The following ARHGAP26 variants were observed in gnomAD, a reference collection of about 807,000 sequenced individuals.
The protein encoded by ARHGAP26 is Rho GTPase activating protein 26.
ARHGAP26 carries 38 observed loss-of-function variants against 104.8 expected under a neutral mutation model. The ratio of observed to expected loss-of-function variants is 0.36; its 90% CI spans 0.28 to 0.48. The LOEUF is 0.48. Ranked by LOEUF, ARHGAP26 falls within the 20% of genes least tolerant of loss-of-function variation. The pLI is 0.99. For synonymous variants in ARHGAP26, 341 were observed against 340.0 expected, an observed-to-expected ratio of 1.00 and a Z score of -0.03; for missense variants, 704 against 947.9, an observed-to-expected ratio of 0.74 and a Z score of 3.38.
intron 11 of ARHGAP26, among the ~76,000 whole-genome samples, chr5:142,940,892 C>T (rs10068940): frequency 0.099 from 15,037 of 151,492 alleles, 1,885 homozygotes; most frequent in African/African-American, 0.29. Context: ...CTGGCTAACA[C>T]GGTGAAACCT....
intron 1 of ARHGAP26, among the ~76,000 whole-genome samples, chr5:142,821,300 GTTTTTTTTTTT>G (rs71576157): frequency 1.9e-5 from 2 of 106,354 alleles, no homozygotes; most frequent in Non-Finnish European, 1.8e-5. Flanking sequence ...AGGTAGAGTG[GTTTTTTTTTTT>G]TTTTTTTTTT....
chr5:143,143,678 A>G (rs912252759), intron 19 of ARHGAP26, among the ~76,000 whole-genome samples: 1 of 152,164 alleles, frequency 6.6e-6, no homozygotes, highest in African/African-American at 2.4e-5. Context: ...TTTAATATTT[A>G]TCTTATAACC....
intron 9 of ARHGAP26, among the ~76,000 whole-genome samples, chr5:142,911,364 A>G (rs565323620): frequency 6.6e-6 from 1 of 152,060 alleles, no homozygotes; most frequent in Non-Finnish European, 1.5e-5. Context: ...CTCCAAGCCT[A>G]TGTGGACCCT....
chr5:143,189,187 C>G (rs1465790179), intron 20 of ARHGAP26, among the ~76,000 whole-genome samples: 1 of 152,164 alleles, frequency 6.6e-6, no homozygotes, highest in Non-Finnish European at 1.5e-5. Context: ...AAAATAGGAC[C>G]CTTTCCATTA....
At chr5:142,908,090 G>A (rs901093412) in intron 9 of ARHGAP26, among the ~76,000 whole-genome samples, 1 of 152,026 alleles carries the variant, frequency 6.6e-6, no homozygotes, top group African/African-American at 2.4e-5. Context: ...ATTTTTATAT[G>A]CTGAAAATTA....
chr5:142,772,954 C>G, intron 1 of ARHGAP26: 1 of 527,158 alleles, frequency 1.9e-6, no homozygotes, highest in South Asian at 1.4e-5. Flanking sequence ...GTTATTTAAG[C>G]TGTCTAATGG....
At chr5:143,200,076 A>G (rs1807463027) in intron 20 of ARHGAP26, among the ~76,000 whole-genome samples, 1 of 152,224 alleles carries the variant, frequency 6.6e-6, no homozygotes, top group Non-Finnish European at 1.5e-5. Context: ...ACAGGAAGGG[A>G]ATTGTATTCA....
intron 10 of ARHGAP26, chr5:142,915,698 C>G (rs1321989615): frequency 6.6e-6 from 1 of 152,106 alleles, no homozygotes; most frequent in Non-Finnish European, 1.5e-5. Flanking sequence ...AGTAGACCGT[C>G]CTAGGAAACA....
At chr5:143,169,891 T>C (rs1475384404) in intron 20 of ARHGAP26, 1 of 152,248 alleles carries the variant, frequency 6.6e-6, no homozygotes, top group Admixed American at 6.5e-5. Flanking sequence ...ATATGATCTC[T>C]GAAAATATCC....
chr5:142,905,379 G>A (rs1157742550), intron 8 of ARHGAP26, among the ~76,000 whole-genome samples: 1 of 143,746 alleles, frequency 7.0e-6, no homozygotes, highest in African/African-American at 2.8e-5. Context: ...AGCACATGAT[G>A]GGGATACAGC....
At chr5:142,852,454 CCTT>C in intron 1 of ARHGAP26, among the ~76,000 whole-genome samples, 1 of 152,230 alleles carries the variant, frequency 6.6e-6, no homozygotes, top group Non-Finnish European at 1.5e-5. Flanking sequence ...TTAAAACCAT[CCTT>C]CTAACTCTTA....
chr5:143,210,167 G>A (rs1471905063), intron 21 of ARHGAP26, among the ~76,000 whole-genome samples: 3 of 152,110 alleles, frequency 2.0e-5, no homozygotes, highest in Admixed American at 6.5e-5. Context: ...GACGTTTAAC[G>A]GACTTGCAGT....
intron 17 of ARHGAP26, 89 bp downstream of exon 17, chr5:143,057,836 C>T (rs768418358): frequency 3.8e-6 from 4 of 1,058,902 alleles, no homozygotes; most frequent in Non-Finnish European, 5.9e-6. Context: ...GCTTTTGTTT[C>T]TCTCTCCCAC....
At chr5:143,011,580 C>T (rs781485273) in intron 11 of ARHGAP26, among the ~76,000 whole-genome samples, 6 of 152,054 alleles carry the variant, frequency 3.9e-5, no homozygotes, top group Admixed American at 2.0e-4. Flanking sequence ...TTTTCAAAGC[C>T]GCTATGCCCT....
chr5:142,879,299 A>G lies in ARHGAP26; in HGVS notation c.313-75A>G, dbSNP rs192002097. 106 of 1,375,052 alleles carry G rather than the reference A, an allele frequency of 7.7e-5. No individual in the cohort carries two copies. In the Admixed American group the frequency reaches 1.3e-3, roughly 16 times the overall value. The allele number at this position is 1,375,052 out of a possible 1,614,324, so 85.2% of individuals were successfully genotyped here. A position where few individuals can be genotyped will look rare whatever the true frequency, so the allele number is the denominator to read the frequency against. On this transcript the variant is annotated intron_variant, in intron 3 of 22. Transcript: ENST00000645722. ...ATTTTAAGACATGGGGAGGCATCTC[A>G]TGCTGGAGCTGCTGTAATTCTTTAC...
chr5:142,803,327 C>G (rs887353528), intron 1 of ARHGAP26, among the ~76,000 whole-genome samples: 2 of 152,180 alleles, frequency 1.3e-5, no homozygotes, highest in African/African-American at 2.4e-5. Flanking sequence ...TTGGTGAAGT[C>G]TGGCACCTCT....
intron 8 of ARHGAP26, among the ~76,000 whole-genome samples, chr5:142,904,607 A>G (rs1235243775): frequency 6.6e-6 from 1 of 152,022 alleles, no homozygotes; most frequent in Non-Finnish European, 1.5e-5. Flanking sequence ...TAACATGGAC[A>G]TTTTAGTGAT....
intron 1 of ARHGAP26, among the ~76,000 whole-genome samples, chr5:142,864,759 T>G (rs1323560065): frequency 6.6e-6 from 1 of 152,234 alleles, no homozygotes; most frequent in East Asian, 1.9e-4. Flanking sequence ...TTTCCTATTT[T>G]GAATTCCCAC....
rs143674357 is a variant in ARHGAP26, at chr5:142,902,050, A to C, written c.702+11A>C. The C allele has an allele frequency of 1.5e-3, 2,375 of 1,608,848 alleles. 33 individuals are homozygous for C. The African/African-American group carries it at 0.028, about 19-fold the overall frequency. On this transcript the variant is annotated intron_variant, in intron 7 of 22. Transcript: ENST00000645722. ...ATTAGCATACAGAACGTGAGTGGGC[A>C]TAGGGACAGGCTTCTTTTATCTGGT...
Sources: gnomAD v4.1 joint callset for allele counts (sites outside exome capture counted in the v4.1 genomes callset) on GRCh38, gnomAD v4.1.1 for gene constraint, MANE v1.5 for transcripts, NCBI Gene and HGNC (gene_info 2026-07-23, HGNC 2026-07-21) for gene names.